SH2B1: variants seen among roughly 807,000 people sequenced by gnomAD.
SH2B1 encodes the protein SH2B adapter protein 1.
Under a neutral mutation model 62.6 loss-of-function variants are expected in SH2B1, and 15 were observed. The ratio of observed to expected loss-of-function variants is 0.24; its 90% CI spans 0.16 to 0.37. The LOEUF (loss-of-function observed/expected upper bound fraction) is 0.37. SH2B1 is among the 10% of genes least tolerant of loss of function. SH2B1 has a pLI of 1.00. For missense variants in SH2B1, 925 were observed against 1,015.6 expected (o/e 0.91, Z 1.21); for synonymous variants, 443 against 438.0 (o/e 1.01, Z -0.14).
chr16:28,863,765 AG>A (rs2152169739), upstream of SH2B1: 1 of 1,535,460 alleles, frequency 6.5e-7, no homozygotes, highest in East Asian at 2.4e-5. Flanking sequence ...GTAAGTATGA[AG>A]GTGCCCTTCC....
At chr16:28,869,481 C>T (rs1261743108) in intron 4 of SH2B1, 98 bp downstream of exon 4, 2 of 1,140,670 alleles carry the variant, frequency 1.8e-6, no homozygotes, top group East Asian at 2.6e-5. Flanking sequence ...ACTGTGCCCC[C>T]ATCCCTGTTT....
At chr16:28,849,845 C>T (rs972977593) in intron 1 of SH2B1, among the ~76,000 whole-genome samples, 2 of 152,146 alleles carry the variant, frequency 1.3e-5, no homozygotes, top group Admixed American at 1.3e-4. Flanking sequence ...ATCGCTTGAA[C>T]CCAGGAGGCG....
rs181221764 is a variant in SH2B1, at chr16:28,872,139, G to T, written c.1514-51G>T. ...AGGCAAGGCTTTTTTCTCCCAGGAT[G>T]GGGGAGGCTGCCCTGACACCCCGGT... On this transcript the variant is annotated intron_variant, in intron 5 of 7. Coordinates refer to ENST00000684370, the MANE Select transcript of SH2B1 (RefSeq NM_001387430.1). The surrounding 1 kb of genome is among the most constrained non-coding windows in gnomAD (Gnocchi z 5.3). The T allele has an allele frequency of 5.1e-6, 8 of 1,556,290 alleles. No homozygotes were observed. The highest frequency in any genetic ancestry group is 1.4e-5 in the African/African-American group (1 of 73,248).
chr16:28,853,016 A>T (rs1236392460), intron 1 of SH2B1, among the ~76,000 whole-genome samples: 23 of 27,194 alleles, frequency 8.5e-4, no homozygotes, highest in Non-Finnish European at 1.3e-3. Context: ...ATATATATTT[A>T]TATATGTACA....
rs758036479 is a variant in SH2B1 at position 28,866,239 on chromosome 16, C to T, written c.145C>T (p.Leu49=). ...CTTTGCCCGCCGTTTTCGCCTCTAC[C>T]TGGCCTCCCACCCCCAATATGCGGG... The part of the protein sequence containing the change: ...LDFARRFRLY[L]ASHPQYAGPG... The change falls in exon 1 of 8, where the codon CTG becomes TTG. Residue 49 remains leucine (L), a synonymous_variant. Transcript: ENST00000684370. This position sits in a 1 kb window ranked among gnomAD's most constrained non-coding sequence, Gnocchi z 6.3. 25 of 1,610,956 alleles carry T rather than the reference C, an allele frequency of 1.6e-5. No individual in the cohort carries two copies. The highest frequency in any genetic ancestry group is 1.9e-5 in the Non-Finnish European group (22 of 1,179,508).
intron 4 of SH2B1, 94 bp downstream of exon 4, chr16:28,869,477 C>T (rs976962142): frequency 6.9e-6 from 8 of 1,157,986 alleles, no homozygotes; most frequent in Admixed American, 2.6e-5. Flanking sequence ...CGCCACTGTG[C>T]CCCCATCCCT....
rs1962161583 is a variant in SH2B1 at position 28,852,547 on chromosome 16, TATACACATATTTATATATATAC to T, written c.-301+5722_-301+5743del. ...ATATATATACACATATATTTATATA[TATACACATATTTATATATATAC>T]ACATATATATTTATATATATACACA... is the stretch of plus-strand genomic sequence containing the variant. On this transcript the variant is annotated intron_variant, in intron 1 of 10. Transcript: ENST00000322610. Among the ~76,000 whole-genome samples, 2 of 39,886 alleles carry T rather than the reference TATACACATATTTATATATATAC, an allele frequency of 5.0e-5. 1 individual carries two copies. Among genetic ancestry groups the T allele is most frequent in the African/African-American group, 4.5e-4 (2 of 4,488 alleles). 26.2% of individuals were successfully genotyped at this position (39,886 alleles called of 152,430 possible).
In SH2B1 at chr16:28,873,714, A is replaced by T; in HGVS notation, c.2165A>T (p.Asp722Val). ...GCCCAGGGCGCTGGGTCTGGTGGGG[A>T]CGCGGGGGTGCCCCCAATGGTGCAG... ...SEAQGAGSGG[D>V]AGVPPMVQLQ... The change falls in exon 8 of 8, where the codon GAC becomes GTC. Residue 722 changes from aspartate to valine, a missense_variant. Physicochemically the swap from Asp to Val is radical, Grantham distance 152. Transcript: ENST00000684370. The surrounding 1 kb of genome is among the most constrained non-coding windows in gnomAD (Gnocchi z 4.2). 6.7e-7 allele frequency: 1 copy of T among 1,500,356 alleles called. No homozygotes were observed. The highest frequency in any genetic ancestry group is 1.3e-5 in the South Asian group (1 of 76,158). 92.9% of individuals were successfully genotyped at this position (1,500,356 alleles called of 1,614,324 possible).
upstream of SH2B1, chr16:28,863,841 CG>C (rs1962535006): frequency 1.3e-6 from 2 of 1,531,244 alleles, no homozygotes; most frequent in African/African-American, 2.7e-5. Context: ...GACGCCTGCG[CG>C]GAACCGGGCT....
rs928162249 is a variant in SH2B1 at position 28,872,058 on chromosome 16, G to C, written c.1513+75G>C. 1 of 1,347,026 alleles carries C rather than the reference G, an allele frequency of 7.4e-7. No individual in the cohort carries two copies. Among genetic ancestry groups the C allele is most frequent in the Non-Finnish European group, 1.1e-6 (1 of 943,002 alleles). 83.4% of individuals were successfully genotyped at this position (1,347,026 alleles called of 1,614,324 possible). Reference sequence around the variant, plus strand: ...CTGACCACCTCTCCTGGGATCCCGAGGGAGCTGGCCCAGGGGAGTTGGGGA... The same window carrying C: ...CTGACCACCTCTCCTGGGATCCCGACGGAGCTGGCCCAGGGGAGTTGGGGA... On this transcript the variant is annotated intron_variant, in intron 5 of 7. Coordinates refer to ENST00000684370, the MANE Select transcript of SH2B1 (RefSeq NM_001387430.1). This position sits in a 1 kb window ranked among gnomAD's most constrained non-coding sequence, Gnocchi z 5.3.
chr16:28,847,947 TC>T (rs761452460), intron 1 of SH2B1, among the ~76,000 whole-genome samples: 94 of 146,758 alleles, frequency 6.4e-4, no homozygotes, highest in Non-Finnish European at 1.0e-3. Flanking sequence ...CACCTCAGCC[TC>T]CTGAGTAGCT....
In SH2B1 at chr16:28,864,471, T is replaced by C; in HGVS notation, c.-1624T>C. Reference sequence around the variant, plus strand: ...GGGTTCCCCCGTGCTCCATGACTCCTGCATCTCCTGATTGTTTCTCGTTGG... The same window carrying C: ...GGGTTCCCCCGTGCTCCATGACTCCCGCATCTCCTGATTGTTTCTCGTTGG... On this transcript the variant is annotated 5_prime_UTR_variant, in exon 1 of 8. Transcript: ENST00000684370. 1 of 985,916 alleles carries C rather than the reference T, an allele frequency of 1.0e-6. No homozygotes were observed. Among genetic ancestry groups the C allele is most frequent in the Non-Finnish European group, 1.2e-6 (1 of 830,180 alleles). The allele number at this position is 985,916 out of a possible 1,614,324, so 61.1% of individuals were successfully genotyped here.
At chr16:28,868,797 C>T (rs1962873293) in intron 2 of SH2B1, among the ~76,000 whole-genome samples, 2 of 151,970 alleles carry the variant, frequency 1.3e-5, no homozygotes, top group South Asian at 4.2e-4. Flanking sequence ...GACAGGTTCT[C>T]ACTATGTTGC....
At chr16:28,852,670 A>T (rs1465988716) in intron 1 of SH2B1, among the ~76,000 whole-genome samples, 1 of 89,890 alleles carries the variant, frequency 1.1e-5, no homozygotes, top group Non-Finnish European at 1.9e-5. Flanking sequence ...ATATATATTT[A>T]TATATATATT....
In SH2B1 at chr16:28,852,193, T is replaced by C. The variant is rs182597209; in HGVS notation, c.-301+5366T>C. Among the ~76,000 whole-genome samples, 90 of 127,060 alleles carry C rather than the reference T, an allele frequency of 7.1e-4. 2 individuals are homozygous for C. In the East Asian group the frequency reaches 7.8e-3, roughly 11 times the overall value. The allele number at this position is 127,060 out of a possible 152,430, so 83.4% of individuals were successfully genotyped here. A position where few individuals can be genotyped will look rare whatever the true frequency, so the allele number is the denominator to read the frequency against. On this transcript the variant is annotated intron_variant, in intron 1 of 10. Transcript: ENST00000322610. ...CCGTATCCAAAAATATATATATTTT[T>C]ATTTATATATTTACATATATATATT...
intron 1 of SH2B1, among the ~76,000 whole-genome samples, chr16:28,853,540 G>C (rs1385037089): frequency 8.8e-6 from 1 of 114,150 alleles, no homozygotes; most frequent in Non-Finnish European, 1.7e-5. Flanking sequence ...TTTTTTTGTA[G>C]AGACGGGGTC....
intron 1 of SH2B1, among the ~76,000 whole-genome samples, chr16:28,855,830 G>A (rs59014646): frequency 2.5e-5 from 3 of 120,348 alleles, no homozygotes; most frequent in South Asian, 2.6e-4. Context: ...TTTTTTTTTG[G>A]ATTTTTAGTA....
At chr16:28,861,302 T>G (rs1322239852), upstream of SH2B1, among the ~76,000 whole-genome samples, 1 of 152,076 alleles carries the variant, frequency 6.6e-6, no homozygotes, top group Non-Finnish European at 1.5e-5. Context: ...CCAGCTAATT[T>G]TTGTATTTTT....
intron 1 of SH2B1, among the ~76,000 whole-genome samples, chr16:28,854,002 A>C (rs984017312): frequency 9.2e-5 from 1 of 10,818 alleles, no homozygotes; most frequent in African/African-American, 1.6e-4. Context: ...ACTAGGTCTC[A>C]AAAAAAAAAA....
Sources: allele counts gnomAD v4.1 joint callset (sites outside exome capture counted in the v4.1 genomes callset), GRCh38; gene constraint gnomAD v4.1.1; non-coding constraint Gnocchi (gnomAD v3.1); transcripts MANE v1.5; gene names NCBI Gene and HGNC (gene_info 2026-07-23, HGNC 2026-07-21).